RTCA: variants seen among roughly 807,000 people sequenced by gnomAD.
The protein encoded by RTCA is RNA 3'-terminal phosphate cyclase.
A neutral mutation model predicts 46.1 loss-of-function variants in RTCA; 37 were observed. The observed-to-expected ratio is 0.80, with a 90% CI of 0.62 to 1.06. The LOEUF (loss-of-function observed/expected upper bound fraction) is 1.06. RTCA is among the 50% of genes least tolerant of loss of function. The pLI is 0.00. For synonymous variants in RTCA, 164 were observed against 158.3 expected (o/e 1.04, Z -0.27); for missense variants, 435 against 455.5 (o/e 0.95, Z 0.41).
intron 2 of RTCA, 39 bp from the exon 3 acceptor site, chr1:100,268,113 C>T: frequency 1.2e-6 from 2 of 1,608,716 alleles, no homozygotes; most frequent in Non-Finnish European, 1.7e-6. Flanking sequence ...TGTAGGCAGT[C>T]TGAATGCACA....
chr1:100,270,773 T>G, intron 4 of RTCA, 93 bp downstream of exon 4: 1 of 1,430,610 alleles, frequency 7.0e-7, no homozygotes, highest in Non-Finnish European at 9.5e-7. Context: ...TTTTTGTGAC[T>G]TTCTTGTTTA....
In RTCA at chr1:100,266,550, G is replaced by T; in HGVS notation, c.72G>T (p.Thr24=). 1 of 1,613,730 alleles carries T rather than the reference G, an allele frequency of 6.2e-7. No homozygotes were observed. Among genetic ancestry groups the T allele is most frequent in the Non-Finnish European group, 8.5e-7 (1 of 1,179,658 alleles). ...GCGGCCAGATCCTGAGAGTCTCTAC[G>T]GCCTTGAGCTGTCTCCTAGGCCTCC... is the stretch of plus-strand genomic sequence containing the variant. ...EGGGQILRVS[T]ALSCLLGLPL... The change falls in exon 2 of 11, where the codon ACG becomes ACT. Residue 24 remains threonine (T), a synonymous_variant. Transcript: ENST00000370128.
In RTCA at chr1:100,274,608, T is replaced by C. The variant is rs1449933600; in HGVS notation, c.474-216T>C. On this transcript the variant is annotated intron_variant, in intron 5 of 10. Transcript: ENST00000370128. Reference sequence around the variant, plus strand: ...CTGATTTTTAAATTTTATTTAATTTTAATAGTTTCACATATCTCAAGGCTA... The same window carrying C: ...CTGATTTTTAAATTTTATTTAATTTCAATAGTTTCACATATCTCAAGGCTA... Among the ~76,000 whole-genome samples the C allele has an allele frequency of 2.0e-5, 3 of 152,314 alleles. No individual in the cohort carries two copies. In the South Asian group the frequency reaches 6.2e-4, roughly 32 times the overall value.
intron 3 of RTCA, among the ~76,000 whole-genome samples, chr1:100,269,925 G>A (rs917680181): frequency 1.3e-5 from 2 of 152,194 alleles, no homozygotes; most frequent in African/African-American, 4.8e-5. Context: ...TTATGAGTGA[G>A]AACATGCAGC....
At chr1:100,269,517 A>G (rs896112686) in intron 3 of RTCA, among the ~76,000 whole-genome samples, 1 of 151,940 alleles carries the variant, frequency 6.6e-6, no homozygotes, top group African/African-American at 2.4e-5. Flanking sequence ...AATTTTTTGT[A>G]AAGATGGAGT....
rs111510303 is a variant in RTCA, at chr1:100,275,602, G to A, written c.619G>A (p.Ala207Thr). ...FVAGVLPFKVAKDMAAAAVRC... is the reference protein window; with the variant it reads ...FVAGVLPFKVTKDMAAAAVRC... Reference sequence around the variant, plus strand: ...TTTTTCTGTCTTGCTAAAATAGGTAGCAAAAGATATGGCAGCGGCAGCAGT... The same window carrying A: ...TTTTTCTGTCTTGCTAAAATAGGTAACAAAAGATATGGCAGCGGCAGCAGT... Residue 207 changes from alanine to threonine, a missense_variant, in exon 7 of 11, where the codon GCA becomes ACA. Ala to Thr is a moderately conservative substitution (Grantham distance 58). Coordinates refer to ENST00000370128, the MANE Select transcript of RTCA (RefSeq NM_003729.4). 9 of 1,599,750 alleles carry A rather than the reference G, an allele frequency of 5.6e-6. No homozygotes were observed. Among genetic ancestry groups the A allele is most frequent in the African/African-American group, 2.7e-5 (2 of 74,488 alleles).
chr1:100,270,613 C>T lies in RTCA; in HGVS notation c.347C>T (p.Pro116Leu), dbSNP rs781508525. Residue 116 changes from proline (P) to leucine (L), a missense_variant, in exon 4 of 11, where the codon CCA (proline) becomes CTA (leucine). Transcript: ENST00000370128. ...CCGTGTGTTCTCTTTGCTGCTTCTC[C>T]ATCAGAACTTCATTTGAAAGGTGGA... ...SMPCVLFAAS[P>L]SELHLKGGTN... 5 of 1,613,994 alleles carry T rather than the reference C, an allele frequency of 3.1e-6. No homozygotes were observed. Among genetic ancestry groups the T allele is most frequent in the Non-Finnish European group, 1.7e-6 (2 of 1,180,012 alleles).
At chr1:100,273,576 A>G (rs537658594) in intron 5 of RTCA, 124 bp downstream of exon 5, 34 of 514,276 alleles carry the variant, frequency 6.6e-5, no homozygotes, top group Non-Finnish European at 1.1e-4. Flanking sequence ...TGTAAGAAGT[A>G]ATTGTACTTT....
In RTCA at chr1:100,266,620, C is replaced by G; in HGVS notation, c.142C>G (p.Leu48Val). ...CCGAGCCGGCCGGAGCACGCCAGGC[C>G]TGAGGTAAATCTGGCTGGAGGGGGA... ...KIRAGRSTPG[L>V]RPQHLSGLEM... The change falls in exon 2 of 11, where the codon CTG becomes GTG. Residue 48 changes from leucine (L) to valine (V), a missense_variant. By Grantham distance (32) the Leu-to-Val change is conservative. Transcript: ENST00000370128. The G allele has an allele frequency of 6.2e-7, 1 of 1,610,528 alleles. No individual in the cohort carries two copies. The highest frequency in any genetic ancestry group is 8.5e-7 in the Non-Finnish European group (1 of 1,178,028).
Position 100,287,176 on chromosome 1 carries a change from G to A in RTCA, c.972G>A (p.Ala324=), listed in dbSNP as rs114925787. Residue 324 remains alanine, a synonymous_variant, in exon 10 of 11, where the codon GCG becomes GCA. Coordinates refer to ENST00000370128, the MANE Select transcript of RTCA (RefSeq NM_003729.4). Reference sequence around the variant, plus strand: ...CAGTTACACTCCATACGCAAACCGCGATACATTTTGCTGAACAAATAGCAA... The same window carrying A: ...CAGTTACACTCCATACGCAAACCGCAATACATTTTGCTGAACAAATAGCAA... ...TGPVTLHTQT[A]IHFAEQIAKA... 2.0e-4 allele frequency: 323 copies of A among 1,583,188 alleles called. 1 individual carries two copies. In the African/African-American group the frequency reaches 3.6e-3, roughly 18 times the overall value.
intron 6 of RTCA, among the ~76,000 whole-genome samples, chr1:100,275,330 A>G (rs975803950): frequency 3.9e-5 from 6 of 152,226 alleles, no homozygotes; most frequent in African/African-American, 1.2e-4. Flanking sequence ...TCTCAGCGAC[A>G]TGTAATTTAC....
rs755153401 is a variant in RTCA, at chr1:100,274,963, A to G, written c.613A>G (p.Lys205Glu). The change falls in exon 6 of 11, where the codon AAA becomes GAA. Residue 205 changes from lysine (K) to glutamate (E), a missense_variant and splice_region_variant. Lys to Glu is a moderately conservative substitution (Grantham distance 56, BLOSUM62 1). Transcript: ENST00000370128. ...RAFVAGVLPF[K>E]VAKDMAAAAV... The stretch of plus-strand genomic sequence containing the variant: ...TTTCGTTGCTGGTGTTTTGCCATTT[A>G]AAGTAAGTTGTTTAGATGTTCTTAG... 2 of 1,604,522 alleles carry G rather than the reference A, an allele frequency of 1.2e-6. No homozygotes were observed. The highest frequency in any genetic ancestry group is 1.7e-6 in the Non-Finnish European group (2 of 1,173,198).
intron 9 of RTCA, among the ~76,000 whole-genome samples, chr1:100,286,563 TTTA>T (rs1206281247): frequency 1.1e-4 from 16 of 152,196 alleles, no homozygotes; most frequent in Middle Eastern, 6.8e-3. Context: ...GTCTGTTATC[TTTA>T]TAGATTTTCC....
rs570134524 is a variant in RTCA at position 100,266,674 on chromosome 1, G to A, written c.146+50G>A. 1.3e-4 allele frequency: 193 copies of A among 1,492,168 alleles called. No individual in the cohort carries two copies. The Admixed American group carries it at 3.6e-3, about 28-fold the overall frequency. The allele number at this position is 1,492,168 out of a possible 1,614,324, so 92.4% of individuals were successfully genotyped here. A position where few individuals can be genotyped will look rare whatever the true frequency, so the allele number is the denominator to read the frequency against. ...GGGCCGTGAAGCTGGGGGATCGGGG[G>A]GTCGGGCTGCCGGGCTGGGGCATCG... On this transcript the variant is annotated intron_variant, in intron 2 of 10. Coordinates refer to ENST00000370128, the MANE Select transcript of RTCA (RefSeq NM_003729.4).
intron 7 of RTCA, among the ~76,000 whole-genome samples, chr1:100,276,823 A>G (rs1666415325): frequency 6.6e-6 from 1 of 152,254 alleles, no homozygotes; most frequent in African/African-American, 2.4e-5. Context: ...CAGAATTTCC[A>G]TTAAAAGGTT....
intron 5 of RTCA, among the ~76,000 whole-genome samples, 181 bp from the exon 6 acceptor site, chr1:100,274,643 A>G (rs1048986182): frequency 2.0e-5 from 3 of 152,232 alleles, no homozygotes; most frequent in Non-Finnish European, 4.4e-5. Flanking sequence ...ACCACATTGT[A>G]TAGTACAGAC....
chr1:100,266,785 G>A (rs1665803849), intron 2 of RTCA, 161 bp downstream of exon 2: 1 of 615,870 alleles, frequency 1.6e-6, no homozygotes, highest in African/African-American at 1.8e-5. Context: ...GGTGGCCTGG[G>A]TTGTAAAGTC....
chr1:100,279,606 C>T (rs1465536452), intron 8 of RTCA, among the ~76,000 whole-genome samples: 1 of 151,530 alleles, frequency 6.6e-6, no homozygotes, highest in Non-Finnish European at 1.5e-5. Context: ...AAGATTCCAT[C>T]TCTTAAAATT....
At chr1:100,271,082 G>A (rs1389739727) in intron 4 of RTCA, among the ~76,000 whole-genome samples, 1 of 151,576 alleles carries the variant, frequency 6.6e-6, no homozygotes, top group Non-Finnish European at 1.5e-5. Flanking sequence ...TAGGGGGTGG[G>A]GAATTATGTT....
Sources: allele counts gnomAD v4.1 joint callset (sites outside exome capture counted in the v4.1 genomes callset), GRCh38; gene constraint gnomAD v4.1.1; transcripts MANE v1.5; gene names NCBI Gene and HGNC (gene_info 2026-07-23, HGNC 2026-07-21).